Variants in COL10A1 observed in about 807,000 individuals in gnomAD.
COL10A1 encodes the protein collagen type X alpha 1 chain, also known as collagen alpha-1(X) chain.
A neutral mutation model predicts 18.2 loss-of-function variants in COL10A1; 10 were observed. The observed-to-expected ratio is 0.55, with a 90% confidence interval of 0.34 to 0.93. COL10A1 has a LOEUF of 0.93. Ranked by LOEUF, COL10A1 falls within the 40% of genes least tolerant of loss-of-function variation. The pLI is 0.02. For missense variants in COL10A1, 897 were observed against 853.5 expected, an observed-to-expected ratio of 1.05 and a Z score of -0.64; for synonymous variants, 330 against 316.6, an observed-to-expected ratio of 1.04 and a Z score of -0.45.
At chr6:116,189,214 A>G in the COL10A1 span, among the ~76,000 whole-genome samples, 24 of 151,946 alleles carry the variant, frequency 1.6e-4, no homozygotes, top group African/African-American at 5.8e-4. Flanking sequence ...AAATTGTAAT[A>G]AAAGTTTTAC....
At chr6:116,175,386 A>G in the COL10A1 span, among the ~76,000 whole-genome samples, 2 of 152,172 alleles carry the variant, frequency 1.3e-5, no homozygotes, top group Admixed American at 1.3e-4. Flanking sequence ...TAGTTTGACT[A>G]TGATGTGGTA....
chr6:116,157,700 C>T (rs1457359442), intron 1 of COL10A1, among the ~76,000 whole-genome samples: 1 of 152,092 alleles, frequency 6.6e-6, no homozygotes, highest in Non-Finnish European at 1.5e-5. Context: ...AGAATAAAAA[C>T]AGTTGAACTA....
chr6:116,153,302 G>A (rs1473033655), intron 1 of COL10A1, among the ~76,000 whole-genome samples: 1 of 150,812 alleles, frequency 6.6e-6, no homozygotes, highest in Non-Finnish European at 1.5e-5. Context: ...TTCACATCAT[G>A]TTCTTACACA....
the COL10A1 span, among the ~76,000 whole-genome samples, chr6:116,212,161 A>G: frequency 1.2e-4 from 19 of 152,236 alleles, no homozygotes; most frequent in African/African-American, 4.3e-4. Context: ...AACAATTATC[A>G]GAGTTAAAAT....
intron 1 of COL10A1, among the ~76,000 whole-genome samples, chr6:116,144,431 G>A (rs902380259): frequency 6.7e-6 from 1 of 148,678 alleles, no homozygotes; most frequent in Non-Finnish European, 1.5e-5. Context: ...AACCCAGGAG[G>A]CAGAGGTTGC....
chr6:116,135,863 A>ATGTATG (rs1562132679), intron 1 of COL10A1, among the ~76,000 whole-genome samples: 2 of 124,912 alleles, frequency 1.6e-5, no homozygotes, highest in African/African-American at 6.3e-5. Flanking sequence ...ATATATATAT[A>ATGTATG]TATATATATA....
upstream of COL10A1, among the ~76,000 whole-genome samples, chr6:116,126,822 A>G (rs1473141533): frequency 1.3e-5 from 2 of 152,126 alleles, no homozygotes; most frequent in Non-Finnish European, 2.9e-5. Flanking sequence ...ATTTCAGGAG[A>G]AAAAAATTTT....
intron 1 of COL10A1, among the ~76,000 whole-genome samples, chr6:116,156,398 T>A (rs1276697927): frequency 6.6e-6 from 1 of 152,216 alleles, no homozygotes; most frequent in Admixed American, 6.5e-5. Context: ...GTAGGCACTT[T>A]GAGGTTGAAA....
chr6:116,193,257 A>G, the COL10A1 span, among the ~76,000 whole-genome samples: 3 of 152,116 alleles, frequency 2.0e-5, no homozygotes. Flanking sequence ...ATCCAGTAAT[A>G]AATAAGAAGT....
chr6:116,167,206 ATTTTTTTTTTT>A, the COL10A1 span, among the ~76,000 whole-genome samples: 5 of 87,796 alleles, frequency 5.7e-5, no homozygotes, highest in Non-Finnish European at 1.1e-4. Flanking sequence ...CAAATAGAAG[ATTTTTTTTTTT>A]TTTTTTTTTT....
the COL10A1 span, among the ~76,000 whole-genome samples, chr6:116,163,926 A>G: frequency 1.3e-5 from 2 of 152,168 alleles, no homozygotes; most frequent in East Asian, 1.9e-4. Context: ...TTCAGCATTC[A>G]TTTCTAATTT....
chr6:116,172,094 A>G, the COL10A1 span, among the ~76,000 whole-genome samples: 1 of 152,208 alleles, frequency 6.6e-6, no homozygotes, highest in Non-Finnish European at 1.5e-5. Flanking sequence ...TCCATCTGTA[A>G]GTCAAGATGA....
chr6:116,180,022 G>C, the COL10A1 span, among the ~76,000 whole-genome samples: 4 of 151,808 alleles, frequency 2.6e-5, no homozygotes. Context: ...ATTAAATCTT[G>C]TTTTTTATTG....
chr6:116,147,947 C>G (rs551151714), intron 1 of COL10A1, among the ~76,000 whole-genome samples: 4 of 151,340 alleles, frequency 2.6e-5, no homozygotes, highest in African/African-American at 9.7e-5. Flanking sequence ...GATCGCGCCA[C>G]TGCACTCCAG....
At chr6:116,207,484 C>T in the COL10A1 span, among the ~76,000 whole-genome samples, 2 of 151,316 alleles carry the variant, frequency 1.3e-5, no homozygotes, top group East Asian at 2.0e-4. Context: ...TCATGCTTAC[C>T]GGGTAAAGAG....
At chr6:116,127,120 A>G (rs1779337489), upstream of COL10A1, among the ~76,000 whole-genome samples, 1 of 152,192 alleles carries the variant, frequency 6.6e-6, no homozygotes, top group African/African-American at 2.4e-5. Context: ...TGAGGAGGAC[A>G]ATTCCATACA....
Position 116,119,814 on chromosome 6 carries a change from G to T in COL10A1, c.*259C>A. The T allele has an allele frequency of 2.6e-6, 1 of 388,602 alleles. No individual in the cohort carries two copies. Among genetic ancestry groups the T allele is most frequent in the Non-Finnish European group, 4.6e-6 (1 of 218,732 alleles). 24.1% of individuals were successfully genotyped at this position (388,602 alleles called of 1,614,324 possible). Reference sequence around the variant, plus strand: ...GTTTTTAACATAGCAGGACTTCTTTGGTGATATTTTTTAATATTGGAGAAA... The same window carrying T: ...GTTTTTAACATAGCAGGACTTCTTTTGTGATATTTTTTAATATTGGAGAAA... On this transcript the variant is annotated 3_prime_UTR_variant, in exon 3 of 3. Transcript: ENST00000651968.
At chr6:116,131,325 G>A (rs532231305) in intron 1 of COL10A1, among the ~76,000 whole-genome samples, 1 of 152,144 alleles carries the variant, frequency 6.6e-6, no homozygotes, top group South Asian at 2.1e-4. Context: ...TATCCACCCT[G>A]TGTTTCACCT....
chr6:116,188,641 A>C, the COL10A1 span, among the ~76,000 whole-genome samples: 2 of 151,966 alleles, frequency 1.3e-5, no homozygotes, highest in South Asian at 4.1e-4. Flanking sequence ...TACCATAGAT[A>C]TGAGGATAGC....
Sources: allele counts gnomAD v4.1 joint callset (sites outside exome capture counted in the v4.1 genomes callset), GRCh38; gene constraint gnomAD v4.1.1; transcripts MANE v1.5; gene names NCBI Gene and HGNC (gene_info 2026-07-23, HGNC 2026-07-21).